The following ISX variants were observed in gnomAD, a reference collection of about 807,000 sequenced individuals.
The protein encoded by ISX is intestine specific homeobox.
A neutral mutation model predicts 16.9 loss-of-function variants in ISX; 15 were observed. The ratio of observed to expected loss-of-function variants is 0.89; its 90% CI spans 0.59 to 1.36. ISX has a LOEUF of 1.36. ISX is among the 40% of genes most tolerant of loss of function. The probability of loss-of-function intolerance (pLI) is 0.00; values close to 1 mark genes in which losing one functional copy is unlikely to be tolerated. For missense variants in ISX, 316 were observed against 306.1 expected, an observed-to-expected ratio of 1.03 and a Z score of -0.24; for synonymous variants, 125 against 119.7, an observed-to-expected ratio of 1.04 and a Z score of -0.29.
chr22:35,072,927 G>T (rs1928891225), intron 2 of ISX, among the ~76,000 whole-genome samples: 1 of 152,186 alleles, frequency 6.6e-6, no homozygotes, highest in Admixed American at 6.5e-5. Context: ...CTGGAGGCTG[G>T]ACTGGAATAA....
At chr22:35,077,801 C>T (rs755129589) in intron 2 of ISX, among the ~76,000 whole-genome samples, 2 of 152,186 alleles carry the variant, frequency 1.3e-5, no homozygotes. Flanking sequence ...TCCTTCTTCA[C>T]CCCACCTCTA....
At chr22:35,070,127 TC>T (rs1928811632) in intron 2 of ISX, among the ~76,000 whole-genome samples, 1 of 152,188 alleles carries the variant, frequency 6.6e-6, no homozygotes, top group African/African-American at 2.4e-5. Context: ...TTATCTGGGC[TC>T]CAAGGCTAGT....
chr22:35,073,304 G>A (rs914946055), intron 2 of ISX, among the ~76,000 whole-genome samples: 2 of 151,554 alleles, frequency 1.3e-5, no homozygotes, highest in Admixed American at 1.3e-4. Flanking sequence ...TAGAGCAGTG[G>A]TCCCCAAACC....
At chr22:35,071,019 C>A (rs1928838025) in intron 2 of ISX, among the ~76,000 whole-genome samples, 2 of 152,152 alleles carry the variant, frequency 1.3e-5, no homozygotes, top group South Asian at 4.1e-4. Flanking sequence ...CCAGATTTGG[C>A]CCTCATGCTG....
intron 2 of ISX, among the ~76,000 whole-genome samples, chr22:35,077,408 C>A (rs1253795528): frequency 6.6e-6 from 1 of 152,174 alleles, no homozygotes; most frequent in Non-Finnish European, 1.5e-5. Context: ...GAAGTGCTGA[C>A]CTTCATCATT....
intron 2 of ISX, among the ~76,000 whole-genome samples, chr22:35,071,440 C>T (rs1370286692): frequency 2.6e-5 from 4 of 152,196 alleles, no homozygotes; most frequent in East Asian, 3.8e-4. Context: ...ATGCCTCTCT[C>T]GTAGTTTCTG....
At chr22:35,077,385 C>T (rs1158928329) in intron 2 of ISX, among the ~76,000 whole-genome samples, 3 of 152,166 alleles carry the variant, frequency 2.0e-5, no homozygotes, top group Non-Finnish European at 4.4e-5. Context: ...TCCTCTTTTC[C>T]TGTAGGAAAG....
At chr22:35,079,907 C>A (rs555126833) in intron 2 of ISX, among the ~76,000 whole-genome samples, 4 of 152,318 alleles carry the variant, frequency 2.6e-5, no homozygotes, top group African/African-American at 9.6e-5. Context: ...TTTGGTCCTT[C>A]CTCCAATGTC....
chr22:35,074,303 G>C (rs1928926506), intron 2 of ISX, among the ~76,000 whole-genome samples: 1 of 152,220 alleles, frequency 6.6e-6, no homozygotes, highest in Non-Finnish European at 1.5e-5. Flanking sequence ...ACTGAGACCA[G>C]CGGGTGTGGC....
chr22:35,085,721 C>T lies in ISX; in HGVS notation c.*28C>T. The T allele has an allele frequency of 1.2e-6, 2 of 1,613,450 alleles. No homozygotes were observed. The highest frequency in any genetic ancestry group is 1.7e-6 in the Non-Finnish European group (2 of 1,179,398). ...ATTGGACATGCTCTCCCCAAATGAG[C>T]CACTTTCCTCTCCAGGTGAAGGCAG... On this transcript the variant is annotated 3_prime_UTR_variant, in exon 5 of 5. Coordinates refer to ENST00000404699, the MANE Select transcript of ISX (RefSeq NM_001303508.2).
intron 2 of ISX, among the ~76,000 whole-genome samples, chr22:35,069,375 T>C (rs1928790377): frequency 6.6e-6 from 1 of 152,180 alleles, no homozygotes; most frequent in Admixed American, 6.5e-5. Flanking sequence ...ACCTACCCTC[T>C]AAGCCCAGAT....
intron 2 of ISX, among the ~76,000 whole-genome samples, chr22:35,076,489 C>T (rs905283535): frequency 5.9e-5 from 9 of 152,176 alleles, no homozygotes; most frequent in Admixed American, 5.2e-4. Flanking sequence ...CATGGGGAGA[C>T]TCCTGCCCCG....
At chr22:35,076,218 G>A (rs1928976480) in intron 2 of ISX, among the ~76,000 whole-genome samples, 1 of 152,152 alleles carries the variant, frequency 6.6e-6, no homozygotes, top group South Asian at 2.1e-4. Context: ...CAAAGGAGGA[G>A]GACAAGGAAT....
At position 35,066,830 on chromosome 22, in the gene ISX, A is replaced by G; in HGVS notation, c.-258A>G. The G allele has an allele frequency of 2.3e-6, 1 of 439,742 alleles. No homozygotes were observed. The highest frequency in any genetic ancestry group is 3.9e-5 in the East Asian group (1 of 25,882). 27.2% of individuals were successfully genotyped at this position (439,742 alleles called of 1,614,324 possible). A position where few individuals can be genotyped will look rare whatever the true frequency, so the allele number is the denominator to read the frequency against. ...TCTCTGGAAGATTGAACCCCAATTCAGCCATGGTGACTCCTTTGATGTCAA... is the reference window on the plus strand; with the variant it reads ...TCTCTGGAAGATTGAACCCCAATTCGGCCATGGTGACTCCTTTGATGTCAA... On this transcript the variant is annotated 5_prime_UTR_variant, in exon 2 of 5. Transcript: ENST00000404699.
chr22:35,082,751 G>T, intron 3 of ISX, 82 bp downstream of exon 3: 2 of 1,459,194 alleles, frequency 1.4e-6, no homozygotes, highest in Non-Finnish European at 1.9e-6. Context: ...GGACTTTTCG[G>T]GTTGCCCCAT....
chr22:35,069,626 C>A (rs564817619), intron 2 of ISX, among the ~76,000 whole-genome samples: 2 of 152,278 alleles, frequency 1.3e-5, no homozygotes, highest in Admixed American at 1.3e-4. Flanking sequence ...CCAGGCAGGG[C>A]AGGAGCAGAG....
chr22:35,084,301 T>A lies in ISX; in HGVS notation c.382-82T>A, dbSNP rs1929192449. 8.1e-6 allele frequency: 7 copies of A among 860,238 alleles called. No individual in the cohort carries two copies. In the Admixed American group the frequency reaches 1.1e-4, roughly 13 times the overall value. 53.3% of individuals were successfully genotyped at this position (860,238 alleles called of 1,614,324 possible). A position where few individuals can be genotyped will look rare whatever the true frequency, so the allele number is the denominator to read the frequency against. ...CTATAAAGTACAGTCCCTTGGAAGG[T>A]GTAGTTATTATGAATTTGGGGGAAG... On this transcript the variant is annotated intron_variant, in intron 3 of 4. Coordinates refer to ENST00000404699, the MANE Select transcript of ISX (RefSeq NM_001303508.2).
In ISX at chr22:35,067,102, G is replaced by A; in HGVS notation, c.15G>A (p.Val5=). The change falls in exon 2 of 5, where the codon GTG becomes GTA. Residue 5 remains valine (V), a synonymous_variant. Coordinates refer to ENST00000404699, the MANE Select transcript of ISX (RefSeq NM_001303508.2). MCAE[V]GPALCRGMER... ...TGAGCCCCTCAATGTGTGCTGAGGT[G>A]GGCCCTGCTCTCTGCAGGGGTATGG... 1 of 1,613,412 alleles carries A rather than the reference G, an allele frequency of 6.2e-7. No individual in the cohort carries two copies. The highest frequency in any genetic ancestry group is 8.5e-7 in the Non-Finnish European group (1 of 1,179,584).
In ISX at chr22:35,067,257, C is replaced by G; in HGVS notation, c.170C>G (p.Pro57Arg). ...DRPEGPGEEG[P>R]GEAAASGSGL... ...CCAGAAGGGCCAGGTGAAGAGGGCC[C>G]CGGAGAAGCTGCGGCCTCAGGCTCT... Residue 57 changes from proline (P) to arginine (R), a missense_variant, in exon 2 of 5, where the codon CCC becomes CGC. Transcript: ENST00000404699. The G allele has an allele frequency of 6.2e-7, 1 of 1,602,018 alleles. No homozygotes were observed. The highest frequency in any genetic ancestry group is 8.5e-7 in the Non-Finnish European group (1 of 1,174,414).
Sources: allele counts gnomAD v4.1 joint callset (sites outside exome capture counted in the v4.1 genomes callset), GRCh38; gene constraint gnomAD v4.1.1; transcripts MANE v1.5; gene names NCBI Gene and HGNC (gene_info 2026-07-23, HGNC 2026-07-21).